The following AGTPBP1 variants were observed in gnomAD, a reference collection of about 807,000 sequenced individuals.
AGTPBP1 encodes the protein ATP/GTP binding carboxypeptidase 1, also known as cytosolic carboxypeptidase 1.
AGTPBP1 carries 70 observed loss-of-function variants against 143.9 expected under a neutral mutation model. That is an observed-to-expected ratio of 0.49 (90% CI 0.40 to 0.59). The LOEUF (loss-of-function observed/expected upper bound fraction) is 0.59, where lower values mean the gene tolerates loss of function less well. AGTPBP1 is among the 20% of genes least tolerant of loss of function. The pLI, the probability that AGTPBP1 is intolerant of heterozygous loss-of-function variation, is 0.00. For missense variants in AGTPBP1, 1,229 were observed against 1,464.5 expected, an observed-to-expected ratio of 0.84 and a Z score of 2.62; for synonymous variants, 463 against 500.2, an observed-to-expected ratio of 0.93 and a Z score of 0.99.
intron 25 of AGTPBP1, among the ~76,000 whole-genome samples, chr9:85,559,958 C>T (rs565841128): frequency 5.3e-5 from 8 of 152,240 alleles, no homozygotes; most frequent in East Asian, 1.9e-4. Flanking sequence ...AATAAATCTC[C>T]GTATTTTCAC....
At chr9:85,784,178 A>G in the AGTPBP1 span, among the ~76,000 whole-genome samples, 9 of 152,176 alleles carry the variant, frequency 5.9e-5, no homozygotes, top group African/African-American at 1.9e-4. Flanking sequence ...TAAGGATAAT[A>G]GAGTCAAAAG....
rs188008211 is a variant in AGTPBP1, at chr9:85,642,116, C to G, written c.1302+711G>C. On this transcript the variant is annotated intron_variant, in intron 13 of 25. Transcript: ENST00000357081. Reference sequence around the variant, plus strand: ...TGAAATTTGGGGAACAAAGGAAGGGCTAAACAAATCTTAGAGATTATCTAA... The same window carrying G: ...TGAAATTTGGGGAACAAAGGAAGGGGTAAACAAATCTTAGAGATTATCTAA... Among the ~76,000 whole-genome samples the G allele has an allele frequency of 4.6e-5, 7 of 152,224 alleles. No individual in the cohort carries two copies. In the East Asian group the frequency reaches 1.2e-3, roughly 25 times the overall value.
intron 8 of AGTPBP1, among the ~76,000 whole-genome samples, chr9:85,669,003 G>A (rs62569200): frequency 0.03 from 2,369 of 78,950 alleles, 28 homozygotes; most frequent in Middle Eastern, 0.087. Context: ...GTGTGTGTGT[G>A]TGTGTATACA....
the AGTPBP1 span, among the ~76,000 whole-genome samples, chr9:85,748,288 C>G: frequency 6.6e-5 from 10 of 152,202 alleles, no homozygotes; most frequent in East Asian, 1.7e-3. Context: ...GTTTTTTCTT[C>G]TCTTCCTGAT....
intron 14 of AGTPBP1, among the ~76,000 whole-genome samples, chr9:85,621,571 C>T (rs566049143): frequency 8.0e-5 from 12 of 150,912 alleles, no homozygotes; most frequent in Non-Finnish European, 1.3e-4. Context: ...TGCCTTTCTA[C>T]ATAGAAATGG....
intron 2 of AGTPBP1, among the ~76,000 whole-genome samples, chr9:85,694,980 T>A (rs926111657): frequency 1.3e-5 from 2 of 152,092 alleles, no homozygotes; most frequent in African/African-American, 4.8e-5. Flanking sequence ...ACATCTCAAA[T>A]CCATTCACTT....
intron 1 of AGTPBP1, among the ~76,000 whole-genome samples, chr9:85,732,457 A>AT (rs1838953816): frequency 1.3e-5 from 2 of 151,996 alleles, no homozygotes; most frequent in African/African-American, 2.4e-5. Flanking sequence ...ACTATAACTC[A>AT]AATAGTGGTT....
chr9:85,711,951 A>AT (rs1213890085), intron 2 of AGTPBP1, among the ~76,000 whole-genome samples: 4 of 152,118 alleles, frequency 2.6e-5, no homozygotes, highest in South Asian at 4.1e-4. Context: ...ACAAAATACT[A>AT]TTTTTTTAAC....
chr9:85,605,800 A>C (rs1829954942), intron 17 of AGTPBP1, among the ~76,000 whole-genome samples: 1 of 152,084 alleles, frequency 6.6e-6, no homozygotes, highest in African/African-American at 2.4e-5. Context: ...TTGTTTGTTA[A>C]TGTTTGTTTT....
At position 85,547,065 on chromosome 9, in the gene AGTPBP1, A is replaced by G. The variant is rs757185840; in HGVS notation, c.*44T>C. 3 of 1,498,670 alleles carry G rather than the reference A, an allele frequency of 2.0e-6. No homozygotes were observed. Among genetic ancestry groups the G allele is most frequent in the African/African-American group, 2.9e-5 (2 of 70,156 alleles). The allele number at this position is 1,498,670 out of a possible 1,614,324, so 92.8% of individuals were successfully genotyped here. A position where few individuals can be genotyped will look rare whatever the true frequency, so the allele number is the denominator to read the frequency against. ...AGCTTCCTGGGAAATAAAAACCAAG[A>G]TATTTCATTTATTCTTTGCAGTTAA... On this transcript the variant is annotated 3_prime_UTR_variant, in exon 26 of 26. Transcript: ENST00000357081.
Position 85,588,122 on chromosome 9 carries a change from G to A in AGTPBP1, c.2903+176C>T, listed in dbSNP as rs548518322. Among the ~76,000 whole-genome samples, 17 of 151,886 alleles carry A rather than the reference G, an allele frequency of 1.1e-4. 1 individual carries two copies. Among genetic ancestry groups the A allele is most frequent in the Middle Eastern group, 3.4e-3 (1 of 292 alleles). ...AATATAAAATCAATAATTTCATATC[G>A]CTAATAGTATCCAAAATGTATTTTC... On this transcript the variant is annotated intron_variant, in intron 21 of 25. Transcript: ENST00000357081.
At chr9:85,556,940 C>CA (rs1323548580) in intron 25 of AGTPBP1, among the ~76,000 whole-genome samples, 1 of 152,090 alleles carries the variant, frequency 6.6e-6, no homozygotes, top group Non-Finnish European at 1.5e-5. Context: ...ATCTGAACCA[C>CA]AGATTTAAAA....
At chr9:85,750,951 C>T in the AGTPBP1 span, among the ~76,000 whole-genome samples, 1 of 152,222 alleles carries the variant, frequency 6.6e-6, no homozygotes, top group Non-Finnish European at 1.5e-5. Context: ...TAGCTCTCAA[C>T]TTTCAGGATC....
At chr9:85,549,027 C>A (rs1192080965) in intron 25 of AGTPBP1, among the ~76,000 whole-genome samples, 1 of 152,270 alleles carries the variant, frequency 6.6e-6, no homozygotes, top group East Asian at 1.9e-4. Context: ...TATAATAATT[C>A]ATTCTTCCTC....
chr9:85,787,966 T>G, the AGTPBP1 span: 1 of 152,178 alleles, frequency 6.6e-6, no homozygotes, highest in Non-Finnish European at 1.5e-5. Context: ...GCTCAAAGAC[T>G]CAAGGCTTCC....
rs1830544361 is a variant in AGTPBP1 at position 85,615,282 on chromosome 9, C to T, written c.2335+3701G>A. 2.0e-5 allele frequency among the ~76,000 whole-genome samples: 3 copies of T among 152,078 alleles called. No homozygotes were observed. The South Asian group carries it at 6.2e-4, about 31-fold the overall frequency. On this transcript the variant is annotated intron_variant, in intron 17 of 25. Transcript: ENST00000357081. ...AGTACCCATTTTCCCTAGTCTTCAG[C>T]AACATATGTTCATTCTCTTTGAGAA...
chr9:85,675,687 A>C (rs1453019988), intron 6 of AGTPBP1, among the ~76,000 whole-genome samples: 1 of 152,166 alleles, frequency 6.6e-6, no homozygotes, highest in Non-Finnish European at 1.5e-5. Flanking sequence ...AGAATTCCTC[A>C]TAAATTTTGG....
At chr9:85,603,238 G>A (rs184735193) in intron 17 of AGTPBP1, among the ~76,000 whole-genome samples, 1 of 152,182 alleles carries the variant, frequency 6.6e-6, no homozygotes, top group Admixed American at 6.5e-5. Context: ...CAGCTTGTAG[G>A]TCCAGGAGAG....
chr9:85,575,461 A>G lies in AGTPBP1; in HGVS notation c.3357T>C (p.Gly1119=), dbSNP rs559545775. 4 of 1,606,654 alleles carry G rather than the reference A, an allele frequency of 2.5e-6. No individual in the cohort carries two copies. The highest frequency in any genetic ancestry group is 3.4e-5 in the Admixed American group (2 of 57,984). The stretch of plus-strand genomic sequence containing the variant: ...CTCCCATCTCTTCCAGTTCTCGGGT[A>G]CCAATCTGTAAACCCTTGAAATAAA... ...DQGKYKGLQI[G]TRELEEMGAK... The change falls in exon 25 of 26, where the codon GGT becomes GGC. Residue 1119 remains glycine, a synonymous_variant. Coordinates refer to ENST00000357081, the MANE Select transcript of AGTPBP1 (RefSeq NM_001330701.2).
Sources: allele counts gnomAD v4.1 joint callset (sites outside exome capture counted in the v4.1 genomes callset), GRCh38; gene constraint gnomAD v4.1.1; transcripts MANE v1.5; gene names NCBI Gene and HGNC (gene_info 2026-07-23, HGNC 2026-07-21).